PIK3CD: variants seen among roughly 807,000 people sequenced by gnomAD.
The protein encoded by PIK3CD is phosphatidylinositol 4,5-bisphosphate 3-kinase catalytic subunit delta isoform.
A neutral mutation model predicts 122.9 loss-of-function variants in PIK3CD; 20 were observed. That is an observed-to-expected ratio of 0.16 (90% CI 0.11 to 0.24). The LOEUF (loss-of-function observed/expected upper bound fraction) is 0.24, where lower values mean the gene tolerates loss of function less well. Among genes scored for constraint, PIK3CD ranks in the 10% least tolerant of loss-of-function variants. The pLI, the probability that PIK3CD is intolerant of heterozygous loss-of-function variation, is 1.00. For missense variants in PIK3CD, 787 were observed against 1,406.3 expected (o/e 0.56, Z 7.04); for synonymous variants, 596 against 593.4 (o/e 1.00, Z -0.06).
the PIK3CD span, among the ~76,000 whole-genome samples, chr1:9,631,869 G>A: frequency 2.0e-5 from 3 of 151,994 alleles, no homozygotes; most frequent in Admixed American, 6.6e-5. Context: ...CCTCTCCCCC[G>A]TCAAATGAGG....
Position 9,710,366 on chromosome 1 carries a change from C to G in PIK3CD, c.-32-58C>G, listed in dbSNP as rs767184393. ...CCCACTGTTTTCCAGGGAGTCCCTT[C>G]CAAAGGTCTCACCCAGCTCAGCTGA... On this transcript the variant is annotated intron_variant, in intron 2 of 23. Transcript: ENST00000377346. The surrounding 1 kb of genome is among the most constrained non-coding windows in gnomAD (Gnocchi z 4.7). 3 of 1,407,196 alleles carry G rather than the reference C, an allele frequency of 2.1e-6. No homozygotes were observed. The African/African-American group carries it at 4.2e-5, about 20-fold the overall frequency. The allele number at this position is 1,407,196 out of a possible 1,614,324, so 87.2% of individuals were successfully genotyped here.
In PIK3CD at chr1:9,704,813, C is replaced by T. The variant is rs893844102; in HGVS notation, c.-32-5611C>T. Among the ~76,000 whole-genome samples the T allele has an allele frequency of 3.9e-5, 6 of 152,252 alleles. No individual in the cohort carries two copies. The highest frequency in any genetic ancestry group is 7.2e-5 in the African/African-American group (3 of 41,462). Reference sequence around the variant, plus strand: ...ACAGGCGTGAGCCACCACGCCCAGCCGGTCCCCCAAGTTTTGAAACAAAAG... The same window carrying T: ...ACAGGCGTGAGCCACCACGCCCAGCTGGTCCCCCAAGTTTTGAAACAAAAG... On this transcript the variant is annotated intron_variant, in intron 2 of 23. Transcript: ENST00000377346. This position sits in a 1 kb window ranked among gnomAD's most constrained non-coding sequence, Gnocchi z 5.0.
rs1173883377 is a variant in PIK3CD, at chr1:9,652,085, C to T, written c.-138+283C>T. ...AGGGGCGTGCGCAGCTCCCCGGCGC[C>T]TGCACTGCGCGCCTTGCCCGCCTGG... On this transcript the variant is annotated intron_variant, in intron 1 of 23. Transcript: ENST00000377346. This position sits in a 1 kb window ranked among gnomAD's most constrained non-coding sequence, Gnocchi z 6.2. Among the ~76,000 whole-genome samples the T allele has an allele frequency of 6.6e-6, 1 of 151,976 alleles. No homozygotes were observed. The highest frequency in any genetic ancestry group is 1.5e-5 in the Non-Finnish European group (1 of 67,960).
At chr1:9,659,932 T>C (rs1488529445) in intron 1 of PIK3CD, among the ~76,000 whole-genome samples, 1 of 152,164 alleles carries the variant, frequency 6.6e-6, no homozygotes, top group Admixed American at 6.6e-5. Flanking sequence ...TGTATTTTTT[T>C]GAGACGGATT....
At position 9,724,973 on chromosome 1, in the gene PIK3CD, C is replaced by A. The variant is rs537986179; in HGVS notation, c.2997+37C>A. The A allele has an allele frequency of 6.2e-7, 1 of 1,611,714 alleles. No homozygotes were observed. Among genetic ancestry groups the A allele is most frequent in the African/African-American group, 1.3e-5 (1 of 75,048 alleles). On this transcript the variant is annotated intron_variant, in intron 23 of 23. Transcript: ENST00000377346. This position sits in a 1 kb window ranked among gnomAD's most constrained non-coding sequence, Gnocchi z 7.3. ...GCAGGAGACTGCTGTCGCCAGTGGA[C>A]TTCCAAGGCCTGCCCCCGAGCAATG...
Position 9,689,476 on chromosome 1 carries a change from G to C in PIK3CD, c.-137-1991G>C, listed in dbSNP as rs1646107035. Among the ~76,000 whole-genome samples, 5 of 143,056 alleles carry C rather than the reference G, an allele frequency of 3.5e-5. No individual in the cohort carries two copies. The South Asian group carries it at 1.1e-3, about 31-fold the overall frequency. 93.9% of individuals were successfully genotyped at this position (143,056 alleles called of 152,430 possible). ...GGCCCCGGCCCCGCCCCAGCCCCGA[G>C]GACGCCCCGCCCCCAGCCGGCGCCC... On this transcript the variant is annotated intron_variant, in intron 1 of 23. Transcript: ENST00000377346. The surrounding 1 kb of genome is among the most constrained non-coding windows in gnomAD (Gnocchi z 6.1).
the PIK3CD span, among the ~76,000 whole-genome samples, chr1:9,645,876 G>T: frequency 2.2e-4 from 34 of 152,162 alleles, 1 homozygote; most frequent in African/African-American, 7.9e-4. Context: ...AGAGTGCTGG[G>T]ATTACAGGCA....
Position 9,720,652 on chromosome 1 carries a change from C to T in PIK3CD, c.1512C>T (p.Thr504=), listed in dbSNP as rs1557668655. ...LGRHSECVHV[T]EEEQLQLREI... ...GACACAGCGAGTGTGTGCATGTCAC[C>T]GAGGAGGAGGTGAGTGGGGTGGGGG... The change falls in exon 12 of 24, where the codon ACC becomes ACT. Residue 504 remains threonine, a synonymous_variant. Coordinates refer to ENST00000377346, the MANE Select transcript of PIK3CD (RefSeq NM_005026.5). This position sits in a 1 kb window ranked among gnomAD's most constrained non-coding sequence, Gnocchi z 9.0. 16 of 852,016 alleles carry T rather than the reference C, an allele frequency of 1.9e-5. No individual in the cohort carries two copies. In the Admixed American group the frequency reaches 3.3e-4, roughly 18 times the overall value. The allele number at this position is 852,016 out of a possible 1,614,324, so 52.8% of individuals were successfully genotyped here.
intron 1 of PIK3CD, among the ~76,000 whole-genome samples, chr1:9,659,938 G>T (rs990529011): frequency 6.6e-6 from 1 of 151,872 alleles, no homozygotes; most frequent in Non-Finnish European, 1.5e-5. Context: ...TTTTTGAGAC[G>T]GATTTTTGCT....
At chr1:9,702,058 G>A (rs967157587) in intron 2 of PIK3CD, among the ~76,000 whole-genome samples, 1 of 150,912 alleles carries the variant, frequency 6.6e-6, no homozygotes, top group East Asian at 1.9e-4. Flanking sequence ...GCAGTGGTGC[G>A]ATCTCGGCTC....
intron 5 of PIK3CD, 107 bp downstream of exon 5, chr1:9,716,185 A>G: frequency 9.8e-7 from 1 of 1,017,120 alleles, no homozygotes; most frequent in Non-Finnish European, 1.5e-6. Context: ...CAGTGGCATC[A>G]GATGGTGTTT....
chr1:9,653,567 C>T (rs923586421), intron 1 of PIK3CD: 6 of 346,998 alleles, frequency 1.7e-5, no homozygotes, highest in Admixed American at 8.1e-5. Flanking sequence ...CAGAGAGGCA[C>T]CCTCTAAGAT....
At position 9,689,773 on chromosome 1, in the gene PIK3CD, A is replaced by T. The variant is rs1262729397; in HGVS notation, c.-137-1694A>T. Reference sequence around the variant, plus strand: ...TGCGGGGTCCCCGTGCCCCGCCCCCAGCCCCGCCGGGCGTCCCACCCCGCC... The same window carrying T: ...TGCGGGGTCCCCGTGCCCCGCCCCCTGCCCCGCCGGGCGTCCCACCCCGCC... On this transcript the variant is annotated intron_variant, in intron 1 of 23. Coordinates refer to ENST00000377346, the MANE Select transcript of PIK3CD (RefSeq NM_005026.5). The surrounding 1 kb of genome is among the most constrained non-coding windows in gnomAD (Gnocchi z 6.1). 1.3e-5 allele frequency among the ~76,000 whole-genome samples: 2 copies of T among 149,864 alleles called. No individual in the cohort carries two copies. Among genetic ancestry groups the T allele is most frequent in the Admixed American group, 1.3e-4 (2 of 15,154 alleles).
intron 5 of PIK3CD, 168 bp downstream of exon 5, chr1:9,716,246 G>A (rs1647412741): frequency 3.7e-6 from 3 of 810,452 alleles, no homozygotes; most frequent in Non-Finnish European, 6.1e-6. Context: ...CCCCAGGCAA[G>A]CTCAACGTGG....
At position 9,727,947 on chromosome 1, in the gene PIK3CD, G is replaced by A; in HGVS notation, c.*901G>A. The A allele has an allele frequency of 6.0e-6, 1 of 166,526 alleles. No homozygotes were observed. The highest frequency in any genetic ancestry group is 1.2e-4 in the East Asian group (1 of 8,466). 10.3% of individuals were successfully genotyped at this position (166,526 alleles called of 1,614,324 possible). On this transcript the variant is annotated 3_prime_UTR_variant, in exon 24 of 24. Transcript: ENST00000377346. Reference sequence around the variant, plus strand: ...AGCCTCCTGAGTAGCTGGGATTACAGGTGTGCACCACCGTACCCAGCTAAT... The same window carrying A: ...AGCCTCCTGAGTAGCTGGGATTACAAGTGTGCACCACCGTACCCAGCTAAT...
chr1:9,639,728 T>C, the PIK3CD span, among the ~76,000 whole-genome samples: 1 of 152,118 alleles, frequency 6.6e-6, no homozygotes, highest in African/African-American at 2.4e-5. Flanking sequence ...GGTTTTTGTT[T>C]GTTTGTTTGT....
At chr1:9,645,470 T>TG in the PIK3CD span, among the ~76,000 whole-genome samples, 1 of 152,046 alleles carries the variant, frequency 6.6e-6, no homozygotes, top group Non-Finnish European at 1.5e-5. Context: ...ATTTATTTAT[T>TG]TTTTTGAGAT....
In PIK3CD at chr1:9,719,021, TG is replaced by T; in HGVS notation, c.1242+111del. ...TCCCGGCAAGCACGCAGCCTGGGGA[TG>T]GGGGTCCTGGGATTGCTTGTGGACC... On this transcript the variant is annotated intron_variant, in intron 9 of 23. Coordinates refer to ENST00000377346, the MANE Select transcript of PIK3CD (RefSeq NM_005026.5). This position sits in a 1 kb window ranked among gnomAD's most constrained non-coding sequence, Gnocchi z 5.5. 1 of 1,065,656 alleles carries T rather than the reference TG, an allele frequency of 9.4e-7. No homozygotes were observed. Among genetic ancestry groups the T allele is most frequent in the Non-Finnish European group, 1.4e-6 (1 of 717,776 alleles). 66.0% of individuals were successfully genotyped at this position (1,065,656 alleles called of 1,614,324 possible). A position where few individuals can be genotyped will look rare whatever the true frequency, so the allele number is the denominator to read the frequency against.
chr1:9,677,643 TAAAAAAA>T (rs769155771), intron 1 of PIK3CD, among the ~76,000 whole-genome samples: 1 of 90,440 alleles, frequency 1.1e-5, no homozygotes, highest in Non-Finnish European at 2.3e-5. Context: ...AGACCCTGTC[TAAAAAAA>T]AAAAAAAAAA....
Sources: allele counts gnomAD v4.1 joint callset (sites outside exome capture counted in the v4.1 genomes callset), GRCh38; gene constraint gnomAD v4.1.1; non-coding constraint Gnocchi (gnomAD v3.1); transcripts MANE v1.5; gene names NCBI Gene and HGNC (gene_info 2026-07-23, HGNC 2026-07-21).